CYSTM1: variants seen among roughly 807,000 people sequenced by gnomAD.
CYSTM1 encodes the protein cysteine rich transmembrane module containing 1, also known as cysteine-rich transmembrane module-containing protein 1.
In CYSTM1, 4 loss-of-function variants were observed where a neutral mutation model predicts 13.1. That is an observed-to-expected ratio of 0.31 (90% CI 0.15 to 0.70). The LOEUF (loss-of-function observed/expected upper bound fraction) is 0.70. Ranked by LOEUF, CYSTM1 falls within the 30% of genes least tolerant of loss-of-function variation. The pLI is 0.72. For synonymous variants in CYSTM1, 36 were observed against 42.7 expected (o/e 0.84, Z 0.62); for missense variants, 96 against 121.6 (o/e 0.79, Z 0.99).
At chr5:140,178,259 C>T (rs968653718) in intron 1 of CYSTM1, among the ~76,000 whole-genome samples, 1 of 151,930 alleles carries the variant, frequency 6.6e-6, no homozygotes, top group South Asian at 2.1e-4. Flanking sequence ...ACCTTGAATG[C>T]GGGTCAGTAC....
intron 1 of CYSTM1, among the ~76,000 whole-genome samples, chr5:140,177,765 CTTG>C (rs934831422): frequency 2.4e-4 from 37 of 152,246 alleles, no homozygotes; most frequent in African/African-American, 8.9e-4. Context: ...TTTGCAGGAG[CTTG>C]TTAATATTAA....
At chr5:140,206,669 C>T (rs1203949712) in intron 2 of CYSTM1, among the ~76,000 whole-genome samples, 1 of 152,158 alleles carries the variant, frequency 6.6e-6, no homozygotes, top group Non-Finnish European at 1.5e-5. Context: ...CTTGCTCTGT[C>T]ACCCAGGCTG....
intron 2 of CYSTM1, among the ~76,000 whole-genome samples, chr5:140,238,078 TG>T (rs1764705347): frequency 6.6e-6 from 1 of 152,180 alleles, no homozygotes; most frequent in Non-Finnish European, 1.5e-5. Flanking sequence ...GTGAGTTGGT[TG>T]GCCAGCTCCT....
rs1287838041 is a variant in CYSTM1 at position 140,177,070 on chromosome 5, A to AAAAAAAAAACAAAAAAAAAAC, written c.-21+1794_-21+1795insCAAAAAAAAAACAAAAAAAAA. Among the ~76,000 whole-genome samples the AAAAAAAAAACAAAAAAAAAAC allele has an allele frequency of 1.4e-3, 206 of 145,420 alleles. 3 individuals carry two copies. The highest frequency in any genetic ancestry group is 5.3e-3 in the African/African-American group (199 of 37,416). ...GGCGACAGAGCGAGACTCTGTCTCA[A>AAAAAAAAAACAAAAAAAAAAC]AAAAAAAAAAAAAAAAATCTCTAGT... On this transcript the variant is annotated intron_variant, in intron 1 of 2. Transcript: ENST00000261811.
intron 2 of CYSTM1, among the ~76,000 whole-genome samples, chr5:140,212,496 AG>A (rs2126664232): frequency 6.6e-6 from 1 of 152,254 alleles, no homozygotes; most frequent in African/African-American, 2.4e-5. Flanking sequence ...TTTGGCGTGC[AG>A]TGGCAGGATC....
At chr5:140,210,938 G>A (rs563953244) in intron 2 of CYSTM1, among the ~76,000 whole-genome samples, 2 of 152,238 alleles carry the variant, frequency 1.3e-5, no homozygotes, top group South Asian at 4.1e-4. Context: ...AGAAGGTTTT[G>A]GAAATTTGGA....
intron 2 of CYSTM1, among the ~76,000 whole-genome samples, chr5:140,238,965 T>G (rs987353534): frequency 6.6e-6 from 1 of 152,164 alleles, no homozygotes; most frequent in Non-Finnish European, 1.5e-5. Flanking sequence ...CAGCCCTGGG[T>G]GCCCATCGCT....
intron 1 of CYSTM1, among the ~76,000 whole-genome samples, chr5:140,179,808 G>A (rs1024891797): frequency 6.6e-6 from 1 of 151,710 alleles, no homozygotes; most frequent in African/African-American, 2.4e-5. Flanking sequence ...CTACAGGCAT[G>A]CACTACCATG....
intron 2 of CYSTM1, among the ~76,000 whole-genome samples, chr5:140,216,087 A>G (rs6872923): frequency 3.7e-4 from 56 of 152,072 alleles, no homozygotes; most frequent in African/African-American, 1.4e-3. Context: ...GGCTGCAGTG[A>G]GCTGAGATCA....
intron 2 of CYSTM1, among the ~76,000 whole-genome samples, chr5:140,205,077 G>A (rs768680377): frequency 2.0e-5 from 3 of 152,184 alleles, no homozygotes; most frequent in Non-Finnish European, 4.4e-5. Context: ...ATGGGCCTTT[G>A]AACCAGATTT....
intron 2 of CYSTM1, among the ~76,000 whole-genome samples, chr5:140,224,304 T>C (rs1458819183): frequency 6.6e-6 from 1 of 151,942 alleles, no homozygotes; most frequent in Non-Finnish European, 1.5e-5. Flanking sequence ...CACACCCAGC[T>C]AATTTTGTAT....
intron 2 of CYSTM1, among the ~76,000 whole-genome samples, chr5:140,242,992 T>C (rs1438124626): frequency 6.6e-6 from 1 of 152,188 alleles, no homozygotes; most frequent in Admixed American, 6.5e-5. Flanking sequence ...GGGGAAGACA[T>C]GCTACCTGGT....
rs1359360251 is a variant in CYSTM1 at position 140,191,127 on chromosome 5, G to T, written c.-20-3319G>T. On this transcript the variant is annotated intron_variant, in intron 1 of 2. Coordinates refer to ENST00000261811, the MANE Select transcript of CYSTM1 (RefSeq NM_032412.4). ...CCTGTTTTTCAAATGCCAGCTCTAG[G>T]ATCTCTCATCCTGCACACGTGCTCT... Among the ~76,000 whole-genome samples the T allele has an allele frequency of 2.0e-5, 3 of 152,300 alleles. No homozygotes were observed. In the East Asian group the frequency reaches 5.8e-4, roughly 29 times the overall value.
intron 2 of CYSTM1, chr5:140,202,578 A>G (rs1424629861): frequency 6.6e-6 from 1 of 152,252 alleles, no homozygotes; most frequent in Non-Finnish European, 1.5e-5. Flanking sequence ...GAACGTAGAT[A>G]ATGATAAGCA....
intron 2 of CYSTM1, among the ~76,000 whole-genome samples, chr5:140,216,711 TC>T (rs1764431652): frequency 6.6e-6 from 1 of 152,188 alleles, no homozygotes; most frequent in Non-Finnish European, 1.5e-5. Context: ...CTAATACTGC[TC>T]CCTTCCTTTT....
chr5:140,206,849 G>A (rs1181973213), intron 2 of CYSTM1, among the ~76,000 whole-genome samples: 1 of 152,058 alleles, frequency 6.6e-6, no homozygotes, highest in African/African-American at 2.4e-5. Flanking sequence ...TGCCCCGGTT[G>A]GTCTTGAGCT....
At chr5:140,212,983 G>GTGTATGTATATATATATATATATA (rs1405430820) in intron 2 of CYSTM1, among the ~76,000 whole-genome samples, 1 of 114,294 alleles carries the variant, frequency 8.7e-6, no homozygotes, top group Non-Finnish European at 1.8e-5. Flanking sequence ...CAAAACAAAA[G>GTGTATGTATATATATATATATATA]TATATATATA....
intron 2 of CYSTM1, among the ~76,000 whole-genome samples, chr5:140,242,666 G>T (rs564882713): frequency 2.8e-4 from 42 of 152,212 alleles, no homozygotes; most frequent in Admixed American, 2.6e-4. Flanking sequence ...GCCATGACAG[G>T]GCTCAGGTTT....
chr5:140,200,337 A>G (rs1007847864), intron 2 of CYSTM1: 35 of 152,176 alleles, frequency 2.3e-4, no homozygotes, highest in African/African-American at 8.2e-4. Context: ...TTTTCTGCAC[A>G]TGGCTAGCTA....
Sources: gnomAD v4.1 joint callset for allele counts (sites outside exome capture counted in the v4.1 genomes callset) on GRCh38, gnomAD v4.1.1 for gene constraint, MANE v1.5 for transcripts, NCBI Gene and HGNC (gene_info 2026-07-23, HGNC 2026-07-21) for gene names.